Variants in MAP3K5 observed in about 807,000 individuals in gnomAD.
MAP3K5 encodes the protein mitogen-activated protein kinase kinase kinase 5.
Under a neutral mutation model 158.7 loss-of-function variants are expected in MAP3K5, and 56 were observed. That is an observed-to-expected ratio of 0.35 (90% CI 0.28 to 0.44). MAP3K5 has a LOEUF of 0.44. Ranked by LOEUF, MAP3K5 falls within the 20% of genes least tolerant of loss-of-function variation. The probability of loss-of-function intolerance (pLI) is 1.00; values close to 1 mark genes in which losing one functional copy is unlikely to be tolerated. For missense variants in MAP3K5, 1,294 were observed against 1,674.8 expected, an observed-to-expected ratio of 0.77 and a Z score of 3.97; for synonymous variants, 579 against 601.7, an observed-to-expected ratio of 0.96 and a Z score of 0.55.
chr6:136,721,999 G>T (rs1781763377), intron 1 of MAP3K5, among the ~76,000 whole-genome samples: 1 of 152,120 alleles, frequency 6.6e-6, no homozygotes, highest in South Asian at 2.1e-4. Flanking sequence ...AATAAAGGCT[G>T]TCATCTATTC....
chr6:136,715,798 A>G (rs1316144974), intron 2 of MAP3K5, among the ~76,000 whole-genome samples: 2 of 152,124 alleles, frequency 1.3e-5, no homozygotes, highest in Admixed American at 1.3e-4. Flanking sequence ...TGGGAGGCCA[A>G]CGGGGGCGGA....
Position 136,557,654 on chromosome 6 carries a change from A to G in MAP3K5, c.*104T>C. ...ACATGAGTAAACAAATACTGGATTT[A>G]AAGTGCAGCGCCTTTCTCCTCTCCC... On this transcript the variant is annotated 3_prime_UTR_variant, in exon 30 of 30. Transcript: ENST00000359015. 2 of 706,468 alleles carry G rather than the reference A, an allele frequency of 2.8e-6. No homozygotes were observed. Among genetic ancestry groups the G allele is most frequent in the Non-Finnish European group, 4.9e-6 (2 of 407,292 alleles). 43.8% of individuals were successfully genotyped at this position (706,468 alleles called of 1,614,324 possible).
chr6:136,671,878 G>A (rs930426857), intron 7 of MAP3K5, among the ~76,000 whole-genome samples: 6 of 151,464 alleles, frequency 4.0e-5, no homozygotes, highest in African/African-American at 4.9e-5. Context: ...CGCCCACCTC[G>A]GCCTCCCAAA....
rs575312812 is a variant in MAP3K5, at chr6:136,681,453, G to C, written c.1254-12058C>G. On this transcript the variant is annotated intron_variant, in intron 7 of 29. Coordinates refer to ENST00000359015, the MANE Select transcript of MAP3K5 (RefSeq NM_005923.4). ...GTTCAAGATCATCCTGGGCAACACA[G>C]TGAGACCCCATCTCTAGAAAAAATT... 2.0e-4 allele frequency among the ~76,000 whole-genome samples: 31 copies of C among 152,266 alleles called. No individual in the cohort carries two copies. In the South Asian group the frequency reaches 5.4e-3, roughly 26 times the overall value.
intron 1 of MAP3K5, among the ~76,000 whole-genome samples, chr6:136,751,825 T>C (rs148102576): frequency 9.9e-5 from 15 of 152,270 alleles, no homozygotes; most frequent in African/African-American, 3.1e-4. Context: ...ACACATGAAC[T>C]TAAAAGAACG....
intron 1 of MAP3K5, among the ~76,000 whole-genome samples, chr6:136,764,091 CCTG>C (rs1783864556): frequency 6.6e-6 from 1 of 152,132 alleles, no homozygotes; most frequent in Non-Finnish European, 1.5e-5. Context: ...AAGCTACTGC[CCTG>C]CTGATCAGCC....
At chr6:136,635,949 G>A (rs926975470) in intron 14 of MAP3K5, among the ~76,000 whole-genome samples, 12 of 152,004 alleles carry the variant, frequency 7.9e-5, no homozygotes, top group Non-Finnish European at 1.6e-4. Context: ...CTAATTCAGT[G>A]TTTCTATAAA....
chr6:136,685,911 C>A (rs1780127297), intron 7 of MAP3K5, among the ~76,000 whole-genome samples: 1 of 152,188 alleles, frequency 6.6e-6, no homozygotes, highest in Non-Finnish European at 1.5e-5. Context: ...CTTGACAGGG[C>A]AGGTTTCCTT....
chr6:136,746,603 A>T (rs1290937841), intron 1 of MAP3K5, among the ~76,000 whole-genome samples: 1 of 152,206 alleles, frequency 6.6e-6, no homozygotes, highest in East Asian at 1.9e-4. Flanking sequence ...GGGTTCTAAT[A>T]CCCACGAGAG....
chr6:136,761,605 A>T (rs1582659588), intron 1 of MAP3K5, among the ~76,000 whole-genome samples: 1 of 152,136 alleles, frequency 6.6e-6, no homozygotes, highest in East Asian at 1.9e-4. Flanking sequence ...GGGTGAGGAG[A>T]TCCCAACCTC....
intron 12 of MAP3K5, among the ~76,000 whole-genome samples, chr6:136,640,504 G>A (rs529063299): frequency 2.0e-5 from 3 of 152,248 alleles, no homozygotes; most frequent in African/African-American, 4.8e-5. Context: ...TTAAGGCCCA[G>A]CTTAGACCTC....
intron 15 of MAP3K5, 32 bp downstream of exon 15, chr6:136,622,816 A>C (rs756733078): frequency 1.2e-6 from 2 of 1,606,162 alleles, no homozygotes; most frequent in Admixed American, 1.7e-5. Flanking sequence ...AAAGTACTAC[A>C]GAACAGCTTT....
intron 1 of MAP3K5, among the ~76,000 whole-genome samples, chr6:136,772,483 C>T (rs897943897): frequency 6.0e-5 from 9 of 150,324 alleles, no homozygotes; most frequent in African/African-American, 1.7e-4. Context: ...GGGGCAGTGG[C>T]GGGGGGCTTC....
intron 1 of MAP3K5, among the ~76,000 whole-genome samples, chr6:136,780,637 G>A (rs1784578070): frequency 6.6e-6 from 1 of 152,142 alleles, no homozygotes; most frequent in African/African-American, 2.4e-5. Flanking sequence ...TTAGAAAGGA[G>A]CTTTTAGTTT....
In MAP3K5 at chr6:136,791,911, A is replaced by C; in HGVS notation, c.247T>G (p.Ser83Ala). ...SSSATRGRGSSVGGGSRRTTV... is the reference protein window; with the variant it reads ...SSSATRGRGSAVGGGSRRTTV... ...GTCCGTCGGCTGCCCCCGCCAACAG[A>C]GCTGCCCCGGCCTCGGGTGGCACTG... Residue 83 changes from serine to alanine, a missense_variant, in exon 1 of 30, where the codon TCT (serine) becomes GCT (alanine). This residue lies in a region of MAP3K5 where 690 missense variants were observed against 870.5 expected (regional missense o/e 0.79). Transcript: ENST00000359015. The C allele has an allele frequency of 3.7e-6, 6 of 1,612,918 alleles. No individual in the cohort carries two copies. Among genetic ancestry groups the C allele is most frequent in the Non-Finnish European group, 5.1e-6 (6 of 1,179,818 alleles).
chr6:136,791,572 T>C, intron 1 of MAP3K5, 138 bp downstream of exon 1: 1 of 884,470 alleles, frequency 1.1e-6, no homozygotes, highest in Non-Finnish European at 1.8e-6. Context: ...ACAGGAGCAG[T>C]CACGCAGCGG....
intron 7 of MAP3K5, among the ~76,000 whole-genome samples, chr6:136,686,682 A>C (rs973643426): frequency 3.9e-5 from 6 of 152,158 alleles, no homozygotes; most frequent in African/African-American, 1.4e-4. Flanking sequence ...AATTGCCACA[A>C]AGAGAATAAA....
chr6:136,667,322 T>G (rs759354141), intron 8 of MAP3K5, among the ~76,000 whole-genome samples: 4 of 152,234 alleles, frequency 2.6e-5, no homozygotes, highest in African/African-American at 9.6e-5. Flanking sequence ...TTGGCTAGTA[T>G]AGAGTTTTTA....
chr6:136,785,984 C>A (rs910512040), intron 1 of MAP3K5, among the ~76,000 whole-genome samples: 3 of 152,192 alleles, frequency 2.0e-5, no homozygotes, highest in Non-Finnish European at 2.9e-5. Flanking sequence ...CAAGCAAGAA[C>A]CTTCAAACAT....
Sources: gnomAD v4.1 joint callset for allele counts (sites outside exome capture counted in the v4.1 genomes callset) on GRCh38, gnomAD v4.1.1 for gene constraint, gnomAD v4.1.1 regional missense constraint, MANE v1.5 for transcripts, NCBI Gene and HGNC (gene_info 2026-07-23, HGNC 2026-07-21) for gene names.